Variants in MEF2C observed in about 807,000 individuals in gnomAD.
MEF2C encodes myocyte-specific enhancer factor 2C.
MEF2C carries 6 observed loss-of-function variants against 50.5 expected under a neutral mutation model. The ratio of observed to expected loss-of-function variants is 0.12; its 90% CI spans 0.07 to 0.23. The LOEUF (loss-of-function observed/expected upper bound fraction) is 0.23. MEF2C is among the 10% of genes least tolerant of loss of function. The probability of loss-of-function intolerance (pLI) is 1.00; values close to 1 mark genes in which losing one functional copy is unlikely to be tolerated. For missense variants in MEF2C, 276 were observed against 605.0 expected, an observed-to-expected ratio of 0.46 and a Z score of 5.70; for synonymous variants, 183 against 228.0, an observed-to-expected ratio of 0.80 and a Z score of 1.78.
rs530478938 is a variant in MEF2C, at chr5:88,730,125, A to G, written c.834+86T>C. 19 of 1,407,374 alleles carry G rather than the reference A, an allele frequency of 1.4e-5. No individual in the cohort carries two copies. The South Asian group carries it at 1.4e-4, about 10-fold the overall frequency. The allele number at this position is 1,407,374 out of a possible 1,614,324, so 87.2% of individuals were successfully genotyped here. On this transcript the variant is annotated intron_variant, in intron 8 of 10. Transcript: ENST00000504921. ...TGTTGACATACTGTGGTAACTTCCA[A>G]TATCTTCCAATTTTATCAAAGCTAC...
intron 1 of MEF2C, among the ~76,000 whole-genome samples, chr5:88,881,785 AAATT>A: frequency 6.6e-6 from 1 of 150,376 alleles, no homozygotes; most frequent in African/African-American, 2.4e-5. Flanking sequence ...TAGCACTTAG[AAATT>A]ATATGCAGTC....
At chr5:88,886,573 C>T (rs1469557236), upstream of MEF2C, among the ~76,000 whole-genome samples, 1 of 152,042 alleles carries the variant, frequency 6.6e-6, no homozygotes, top group Admixed American at 6.6e-5. Flanking sequence ...CCCTTTAAAC[C>T]AATTGGAAGG....
chr5:88,768,906 T>C (rs997243339), intron 3 of MEF2C, among the ~76,000 whole-genome samples: 1 of 152,216 alleles, frequency 6.6e-6, no homozygotes, highest in African/African-American at 2.4e-5. Context: ...TATGAAACAT[T>C]ATAACTCACA....
intron 4 of MEF2C, among the ~76,000 whole-genome samples, chr5:88,759,020 C>A (rs2152633852): frequency 6.6e-6 from 1 of 152,302 alleles, no homozygotes; most frequent in Middle Eastern, 3.4e-3. Flanking sequence ...ATTGAGTGAT[C>A]AGCAGTACTG....
chr5:88,785,371 C>G (rs1473211812), intron 3 of MEF2C: 13 of 151,460 alleles, frequency 8.6e-5, no homozygotes, highest in African/African-American at 1.2e-4. Context: ...TAAAAGCCAT[C>G]CTACTCCAGA....
chr5:88,735,653 C>T (rs1763764965), intron 6 of MEF2C: 1 of 984,984 alleles, frequency 1.0e-6, no homozygotes, highest in Non-Finnish European at 1.2e-6. Flanking sequence ...TGTATATACT[C>T]ATATTAGTGT....
At chr5:88,872,337 T>C (rs1055415169) in intron 1 of MEF2C, among the ~76,000 whole-genome samples, 7 of 152,020 alleles carry the variant, frequency 4.6e-5, no homozygotes, top group Admixed American at 4.6e-4. Flanking sequence ...ATGGATGGTA[T>C]CATTTTGTTT....
chr5:88,828,992 C>T (rs1812003011), intron 1 of MEF2C, among the ~76,000 whole-genome samples: 1 of 151,942 alleles, frequency 6.6e-6, no homozygotes, highest in South Asian at 2.1e-4. Context: ...ATACCCAAGA[C>T]TCACTCTTCT....
chr5:88,741,232 C>T (rs1766615024), intron 6 of MEF2C: 5 of 985,222 alleles, frequency 5.1e-6, no homozygotes, highest in Admixed American at 6.2e-5. Context: ...AACATTATAA[C>T]CAGAAAGGCT....
At chr5:88,825,356 T>G (rs1437585882) in intron 1 of MEF2C, 1 of 263,730 alleles carries the variant, frequency 3.8e-6, no homozygotes, top group Non-Finnish European at 5.9e-6. Context: ...GCTTAAATAC[T>G]AAGACTATCC....
At chr5:88,875,337 T>TCA (rs1318198912) in intron 1 of MEF2C, among the ~76,000 whole-genome samples, 1 of 151,982 alleles carries the variant, frequency 6.6e-6, no homozygotes, top group African/African-American at 2.4e-5. Flanking sequence ...TGGGTGTTTA[T>TCA]CAATAAAAAT....
At chr5:88,814,035 A>G (rs1334926373) in intron 2 of MEF2C, among the ~76,000 whole-genome samples, 2 of 152,200 alleles carry the variant, frequency 1.3e-5, no homozygotes, top group Admixed American at 6.5e-5. Flanking sequence ...GACAGTTCAC[A>G]GATACAATAC....
At position 88,731,550 on chromosome 5, in the gene MEF2C, G is replaced by T. The variant is rs1352294459; in HGVS notation, c.810+179C>A. On this transcript the variant is annotated intron_variant, in intron 7 of 10. Transcript: ENST00000504921. The stretch of plus-strand genomic sequence containing the variant: ...TATATATTTTTTTTACACGGAAAAG[G>T]GAAATGCAAACCAGTTACCAGAAAT... 8.6e-6 allele frequency: 5 copies of T among 583,964 alleles called. No homozygotes were observed. In the East Asian group the frequency reaches 1.5e-4, roughly 18 times the overall value. The allele number at this position is 583,964 out of a possible 1,614,324, so 36.2% of individuals were successfully genotyped here.
chr5:88,829,854 A>G (rs2153229643), intron 1 of MEF2C, among the ~76,000 whole-genome samples: 1 of 152,064 alleles, frequency 6.6e-6, no homozygotes, highest in South Asian at 2.1e-4. Context: ...CTGGGAAAAA[A>G]ATCTTCATTT....
intron 5 of MEF2C, 43 bp from the exon 6 acceptor site, chr5:88,749,160 C>A: frequency 6.6e-7 from 1 of 1,525,240 alleles, no homozygotes; most frequent in South Asian, 1.2e-5. Flanking sequence ...AGGCTAAAGG[C>A]CCACAGAACA....
intron 3 of MEF2C, among the ~76,000 whole-genome samples, chr5:88,774,923 G>C (rs1282107455): frequency 6.6e-6 from 1 of 152,178 alleles, no homozygotes; most frequent in East Asian, 1.9e-4. Flanking sequence ...TCGTAGTTCT[G>C]CATGCTGCAA....
intron 6 of MEF2C, chr5:88,737,949 G>T (rs561739932): frequency 1.0e-5 from 10 of 985,312 alleles, no homozygotes; most frequent in Non-Finnish European, 1.2e-5. Context: ...TGATGGCAGT[G>T]GAAAGGAGAG....
chr5:88,856,649 G>T (rs1171699119), intron 1 of MEF2C, among the ~76,000 whole-genome samples: 1 of 152,204 alleles, frequency 6.6e-6, no homozygotes, highest in East Asian at 1.9e-4. Flanking sequence ...CCCAGCTGTG[G>T]CTAAAACAGC....
At chr5:88,831,044 A>G (rs1243718161) in intron 1 of MEF2C, among the ~76,000 whole-genome samples, 2 of 152,146 alleles carry the variant, frequency 1.3e-5, no homozygotes, top group East Asian at 1.9e-4. Flanking sequence ...AAAAACATCT[A>G]AATTCCCAGG....
Sources: allele counts gnomAD v4.1 joint callset (sites outside exome capture counted in the v4.1 genomes callset), GRCh38; gene constraint gnomAD v4.1.1; transcripts MANE v1.5; gene names NCBI Gene and HGNC (gene_info 2026-07-23, HGNC 2026-07-21).